ADAMTS16: variants seen among roughly 807,000 people sequenced by gnomAD.
ADAMTS16 encodes the protein A disintegrin and metalloproteinase with thrombospondin motifs 16.
A neutral mutation model predicts 145.8 loss-of-function variants in ADAMTS16; 94 were observed. The observed-to-expected ratio is 0.64, with a 90% CI of 0.55 to 0.77. The LOEUF is 0.77. Among genes scored for constraint, ADAMTS16 ranks in the 30% least tolerant of loss-of-function variants. The pLI is 0.00. For missense variants in ADAMTS16, 1,585 were observed against 1,591.5 expected (o/e 1.00, Z 0.07); for synonymous variants, 659 against 604.3 (o/e 1.09, Z -1.33).
At chr5:5,262,821 T>C in intron 18 of ADAMTS16, 38 bp downstream of exon 18, 1 of 1,606,868 alleles carries the variant, frequency 6.2e-7, no homozygotes, top group Non-Finnish European at 8.5e-7. Context: ...GGTTTCCCAG[T>C]TTGCAGACGT....
At chr5:5,228,373 T>C (rs937508605) in intron 11 of ADAMTS16, among the ~76,000 whole-genome samples, 3 of 152,230 alleles carry the variant, frequency 2.0e-5, no homozygotes, top group African/African-American at 7.2e-5. Context: ...ACTGTGCTTA[T>C]ATTGTTAAGA....
chr5:5,214,277 G>A (rs889230228), intron 10 of ADAMTS16, among the ~76,000 whole-genome samples: 2 of 152,126 alleles, frequency 1.3e-5, no homozygotes, highest in Non-Finnish European at 2.9e-5. Context: ...AGTGGACGGT[G>A]GGAGAAGTAA....
intron 6 of ADAMTS16, 27 bp downstream of exon 6, chr5:5,187,835 CT>C: frequency 7.2e-7 from 1 of 1,388,892 alleles, no homozygotes; most frequent in Non-Finnish European, 1.0e-6. Flanking sequence ...ACTATCTACT[CT>C]TTTTATTCCT....
chr5:5,169,624 T>G (rs536178277), intron 3 of ADAMTS16, among the ~76,000 whole-genome samples: 2 of 152,334 alleles, frequency 1.3e-5, no homozygotes, highest in East Asian at 3.9e-4. Flanking sequence ...TCTGCAGCGT[T>G]GATTCTTGTC....
At chr5:5,153,761 A>T (rs1560925642) in intron 3 of ADAMTS16, among the ~76,000 whole-genome samples, 1 of 152,238 alleles carries the variant, frequency 6.6e-6, no homozygotes, top group Non-Finnish European at 1.5e-5. Context: ...TAATCTGTCG[A>T]CTGCCATTGG....
chr5:5,209,375 G>A, intron 10 of ADAMTS16, 129 bp downstream of exon 10: 1 of 1,107,800 alleles, frequency 9.0e-7, no homozygotes, highest in Non-Finnish European at 1.3e-6. Flanking sequence ...TGTTAAGGCT[G>A]GTCCTGTATA....
chr5:5,229,155 G>A (rs1034739729), intron 11 of ADAMTS16, among the ~76,000 whole-genome samples: 25 of 151,474 alleles, frequency 1.7e-4, no homozygotes, highest in South Asian at 2.1e-4. Flanking sequence ...AAAATTAGCC[G>A]GGCGCGGTGG....
At chr5:5,183,584 G>A (rs892747834) in intron 4 of ADAMTS16, among the ~76,000 whole-genome samples, 27 of 152,194 alleles carry the variant, frequency 1.8e-4, no homozygotes, top group Non-Finnish European at 1.3e-4. Flanking sequence ...TTAAGCAGAC[G>A]CCACAGTGGA....
At chr5:5,254,309 C>T (rs944438086) in intron 17 of ADAMTS16, among the ~76,000 whole-genome samples, 13 of 152,062 alleles carry the variant, frequency 8.5e-5, no homozygotes, top group Admixed American at 3.3e-4. Flanking sequence ...TAAGCTTTCC[C>T]GTTGTCATAA....
chr5:5,169,763 G>A (rs545840860), intron 3 of ADAMTS16, among the ~76,000 whole-genome samples: 1 of 152,106 alleles, frequency 6.6e-6, no homozygotes, highest in African/African-American at 2.4e-5. Context: ...CTGCTGAGAG[G>A]GTGCTTACTG....
intron 18 of ADAMTS16, among the ~76,000 whole-genome samples, chr5:5,292,584 C>T (rs1403673166): frequency 6.6e-6 from 1 of 151,996 alleles, no homozygotes; most frequent in Non-Finnish European, 1.5e-5. Context: ...AGACACTTCT[C>T]CAAGTCCAGC....
intron 7 of ADAMTS16, among the ~76,000 whole-genome samples, chr5:5,190,812 C>T (rs1469149434): frequency 6.6e-6 from 1 of 152,102 alleles, no homozygotes; most frequent in Non-Finnish European, 1.5e-5. Context: ...CCTTAGACAG[C>T]CCTCCTCACC....
At chr5:5,227,466 C>T (rs1303651239) in intron 11 of ADAMTS16, among the ~76,000 whole-genome samples, 1 of 151,730 alleles carries the variant, frequency 6.6e-6, no homozygotes, top group African/African-American at 2.4e-5. Context: ...GACCTGATGG[C>T]TCCACCGGTC....
chr5:5,239,142 G>A lies in ADAMTS16; in HGVS notation c.2155-9G>A, dbSNP rs1378902202. Reference sequence around the variant, plus strand: ...TCATGAATGACATGTGACCTCATGGGCCCTCCAGAGAGTTGGATGTGACAA... The same window carrying A: ...TCATGAATGACATGTGACCTCATGGACCCTCCAGAGAGTTGGATGTGACAA... On this transcript the variant is annotated splice_polypyrimidine_tract_variant and intron_variant, in intron 14 of 22. Transcript: ENST00000274181. 1.3e-6 allele frequency: 2 copies of A among 1,521,764 alleles called. No homozygotes were observed. Among genetic ancestry groups the A allele is most frequent in the African/African-American group, 1.4e-5 (1 of 71,394 alleles). 94.3% of individuals were successfully genotyped at this position (1,521,764 alleles called of 1,614,324 possible). A position where few individuals can be genotyped will look rare whatever the true frequency, so the allele number is the denominator to read the frequency against.
chr5:5,176,785 C>A (rs1398211838), intron 3 of ADAMTS16, among the ~76,000 whole-genome samples: 1 of 152,184 alleles, frequency 6.6e-6, no homozygotes, highest in Non-Finnish European at 1.5e-5. Context: ...TAGAATTCAT[C>A]CAAAGCCTGA....
intron 7 of ADAMTS16, 109 bp downstream of exon 7, chr5:5,190,239 C>T (rs762223627): frequency 9.2e-5 from 114 of 1,233,948 alleles, no homozygotes; most frequent in Non-Finnish European, 1.2e-4. Context: ...GCAGTAGCAG[C>T]TTCTTAGTGA....
At chr5:5,227,310 C>G (rs959471512) in intron 11 of ADAMTS16, among the ~76,000 whole-genome samples, 2 of 152,252 alleles carry the variant, frequency 1.3e-5, no homozygotes, top group African/African-American at 4.8e-5. Flanking sequence ...TGTGTTGCGG[C>G]ATCTTACTCT....
intron 17 of ADAMTS16, among the ~76,000 whole-genome samples, chr5:5,243,697 T>G (rs891255257): frequency 6.6e-6 from 1 of 152,242 alleles, no homozygotes; most frequent in Non-Finnish European, 1.5e-5. Context: ...TGGTAAAAAA[T>G]GTATAATGAA....
At chr5:5,181,932 G>T (rs1735349664) in intron 3 of ADAMTS16, 112 bp from the exon 4 acceptor site, 1 of 1,248,792 alleles carries the variant, frequency 8.0e-7, no homozygotes, top group Non-Finnish European at 1.1e-6. Flanking sequence ...CTCACTGGAG[G>T]GAACAGCATG....
Sources: gnomAD v4.1 joint callset for allele counts (sites outside exome capture counted in the v4.1 genomes callset) on GRCh38, gnomAD v4.1.1 for gene constraint, MANE v1.5 for transcripts, NCBI Gene and HGNC (gene_info 2026-07-23, HGNC 2026-07-21) for gene names.